Variants in PDGFC observed in about 807,000 individuals in gnomAD.
PDGFC encodes the protein platelet-derived growth factor C.
In PDGFC, 12 loss-of-function variants were observed where a neutral mutation model predicts 35.5. The ratio of observed to expected loss-of-function variants is 0.34; its 90% CI spans 0.22 to 0.55. The LOEUF is 0.55. PDGFC is among the 20% of genes least tolerant of loss of function. The pLI, the probability that PDGFC is intolerant of heterozygous loss-of-function variation, is 0.91. For synonymous variants in PDGFC, 159 were observed against 148.8 expected, an observed-to-expected ratio of 1.07 and a Z score of -0.50; for missense variants, 322 against 412.4, an observed-to-expected ratio of 0.78 and a Z score of 1.90.
intron 1 of PDGFC, among the ~76,000 whole-genome samples, chr4:156,962,363 G>A (rs1194686480): frequency 6.6e-6 from 1 of 151,956 alleles, no homozygotes; most frequent in Non-Finnish European, 1.5e-5. Context: ...TCCTCTGTGG[G>A]AACTTTTCTC....
At chr4:156,813,314 G>A (rs1215329485) in intron 2 of PDGFC, among the ~76,000 whole-genome samples, 4 of 152,006 alleles carry the variant, frequency 2.6e-5, no homozygotes, top group Non-Finnish European at 4.4e-5. Flanking sequence ...CTGATTTGGC[G>A]CAAACTGCTC....
At chr4:156,788,519 T>G (rs897677185) in intron 3 of PDGFC, among the ~76,000 whole-genome samples, 7 of 152,180 alleles carry the variant, frequency 4.6e-5, no homozygotes, top group African/African-American at 1.4e-4. Context: ...GTCTTCACAA[T>G]GAATTCAATG....
chr4:156,806,206 G>T (rs1422512546), intron 3 of PDGFC, among the ~76,000 whole-genome samples: 1 of 152,060 alleles, frequency 6.6e-6, no homozygotes, highest in South Asian at 2.1e-4. Context: ...GGAAGATGAA[G>T]TTCACTGAAG....
At chr4:156,968,412 T>G (rs931049441) in intron 1 of PDGFC, among the ~76,000 whole-genome samples, 1 of 152,170 alleles carries the variant, frequency 6.6e-6, no homozygotes, top group East Asian at 1.9e-4. Flanking sequence ...ACTGTACAAC[T>G]GTCAAAATTG....
At chr4:156,873,586 T>C (rs1159290756) in intron 1 of PDGFC, among the ~76,000 whole-genome samples, 1 of 152,162 alleles carries the variant, frequency 6.6e-6, no homozygotes, top group Non-Finnish European at 1.5e-5. Flanking sequence ...TAAGAAAAAA[T>C]TCCTTGCCCA....
Position 156,962,323 on chromosome 4 carries a change from C to T in PDGFC, c.118+8463G>A, listed in dbSNP as rs549194454. On this transcript the variant is annotated intron_variant, in intron 1 of 5. Coordinates refer to ENST00000502773, the MANE Select transcript of PDGFC (RefSeq NM_016205.3). ...CCTAGGATCCTTCCCTCTTTTTCTCCCTCTCAGACCCGCTTCAAAACACAT... is the reference window on the plus strand; with the variant it reads ...CCTAGGATCCTTCCCTCTTTTTCTCTCTCTCAGACCCGCTTCAAAACACAT... Among the ~76,000 whole-genome samples, 342 of 152,158 alleles carry T rather than the reference C, an allele frequency of 2.2e-3. 1 individual carries two copies. The highest frequency in any genetic ancestry group is 7.9e-3 in the African/African-American group (329 of 41,522).
chr4:156,878,752 A>G (rs1406704248), intron 1 of PDGFC, among the ~76,000 whole-genome samples: 1 of 152,134 alleles, frequency 6.6e-6, no homozygotes, highest in African/African-American at 2.4e-5. Flanking sequence ...TCTAACATTA[A>G]AAAAACTTCT....
chr4:156,859,465 T>C (rs1442825292), intron 1 of PDGFC, among the ~76,000 whole-genome samples: 2 of 152,106 alleles, frequency 1.3e-5, no homozygotes, highest in East Asian at 1.9e-4. Flanking sequence ...TATTTGAAAT[T>C]TGGAAGTTAT....
intron 3 of PDGFC, chr4:156,778,233 AAG>A (rs1442918515): frequency 2.7e-6 from 1 of 370,860 alleles, no homozygotes; most frequent in Non-Finnish European, 5.7e-6. Context: ...TGCATCATAG[AAG>A]AGAGTTTTCT....
intron 1 of PDGFC, among the ~76,000 whole-genome samples, chr4:156,960,516 G>A (rs1172316151): frequency 1.3e-5 from 2 of 151,112 alleles, no homozygotes; most frequent in Non-Finnish European, 3.0e-5. Flanking sequence ...TATAGCTCCA[G>A]AAATAGTGAA....
chr4:156,871,579 T>C lies in PDGFC; in HGVS notation c.119-21163A>G, dbSNP rs1729984762. Among the ~76,000 whole-genome samples the C allele has an allele frequency of 3.3e-5, 5 of 152,278 alleles. No homozygotes were observed. The South Asian group carries it at 1.0e-3, about 32-fold the overall frequency. On this transcript the variant is annotated intron_variant, in intron 1 of 5. Coordinates refer to ENST00000502773, the MANE Select transcript of PDGFC (RefSeq NM_016205.3). Reference sequence around the variant, plus strand: ...TTTTTGCTCAATATGTACATATTTTTATACATAAACTAAATAGAAAATGTG... The same window carrying C: ...TTTTTGCTCAATATGTACATATTTTCATACATAAACTAAATAGAAAATGTG...
intron 1 of PDGFC, among the ~76,000 whole-genome samples, chr4:156,890,265 C>A (rs2111192372): frequency 6.6e-6 from 1 of 151,970 alleles, no homozygotes; most frequent in Non-Finnish European, 1.5e-5. Flanking sequence ...AAGTGGCAAG[C>A]AGAATGGCAG....
chr4:156,959,509 C>G (rs114139645), intron 1 of PDGFC, among the ~76,000 whole-genome samples: 2,048 of 152,072 alleles, frequency 0.013, 46 homozygotes, highest in African/African-American at 0.045. Flanking sequence ...GCTAGTTAAA[C>G]AAGCCTTCCT....
intron 2 of PDGFC, among the ~76,000 whole-genome samples, chr4:156,838,962 C>T (rs978444802): frequency 7.9e-5 from 12 of 152,256 alleles, no homozygotes; most frequent in East Asian, 1.9e-4. Context: ...ATGGAAGCTG[C>T]GAAGGCCCTG....
chr4:156,932,661 C>T (rs1315726816), intron 1 of PDGFC, among the ~76,000 whole-genome samples: 10 of 147,064 alleles, frequency 6.8e-5, no homozygotes, highest in Non-Finnish European at 4.4e-5. Flanking sequence ...AAACCAAACA[C>T]AGCATGTTCT....
At chr4:156,965,035 T>C (rs948770874) in intron 1 of PDGFC, among the ~76,000 whole-genome samples, 1 of 152,168 alleles carries the variant, frequency 6.6e-6, no homozygotes. Context: ...AGTAACCAGT[T>C]CTAGGAAACC....
chr4:156,941,511 T>C (rs924319449), intron 1 of PDGFC, among the ~76,000 whole-genome samples: 2 of 152,204 alleles, frequency 1.3e-5, no homozygotes, highest in Non-Finnish European at 2.9e-5. Context: ...TGGTTTATCA[T>C]TAGCTTTATC....
chr4:156,935,891 C>T (rs1470716102), intron 1 of PDGFC, among the ~76,000 whole-genome samples: 1 of 151,998 alleles, frequency 6.6e-6, no homozygotes, highest in Non-Finnish European at 1.5e-5. Context: ...AGGTCCCTGC[C>T]CTCAAGGAAA....
At position 156,971,737 on chromosome 4, in the gene PDGFC, C is replaced by T. The variant is rs1266111063; in HGVS notation, c.-834G>A. Among the ~76,000 whole-genome samples, 1 of 151,952 alleles carries T rather than the reference C, an allele frequency of 6.6e-6. No homozygotes were observed. The highest frequency in any genetic ancestry group is 2.4e-5 in the African/African-American group (1 of 41,434). On this transcript the variant is annotated 5_prime_UTR_variant, in exon 1 of 6. Transcript: ENST00000502773. ...CGGGGCTCCGGTTGTTCCCCGTCCC[C>T]TCCCCCCACGCCTCGGGCTCCGCGC...
Sources: gnomAD v4.1 joint callset for allele counts (sites outside exome capture counted in the v4.1 genomes callset) on GRCh38, gnomAD v4.1.1 for gene constraint, MANE v1.5 for transcripts, NCBI Gene and HGNC (gene_info 2026-07-23, HGNC 2026-07-21) for gene names.